MAML3: variants seen among roughly 807,000 people sequenced by gnomAD.
MAML3 encodes the protein mastermind-like protein 3.
MAML3 carries 27 observed loss-of-function variants against 101.9 expected under a neutral mutation model. The ratio of observed to expected loss-of-function variants is 0.27; its 90% CI spans 0.20 to 0.37. The LOEUF (loss-of-function observed/expected upper bound fraction) is 0.37, where lower values mean the gene tolerates loss of function less well. Ranked by LOEUF, MAML3 falls within the 10% of genes least tolerant of loss-of-function variation. The pLI is 1.00. For synonymous variants in MAML3, 501 were observed against 555.9 expected (o/e 0.90, Z 1.39); for missense variants, 1,316 against 1,444.9 (o/e 0.91, Z 1.45).
At chr4:140,148,032 C>T (rs1729095450) in intron 1 of MAML3, among the ~76,000 whole-genome samples, 1 of 152,056 alleles carries the variant, frequency 6.6e-6, no homozygotes, top group African/African-American at 2.4e-5. Flanking sequence ...AGTCTCACAG[C>T]GATATTCAGA....
At chr4:140,075,774 G>A (rs530662443) in intron 1 of MAML3, among the ~76,000 whole-genome samples, 14 of 151,444 alleles carry the variant, frequency 9.2e-5, no homozygotes, top group Non-Finnish European at 1.8e-4. Flanking sequence ...GGGTGGGGGC[G>A]GAGGGGGACA....
intron 2 of MAML3, among the ~76,000 whole-genome samples, chr4:139,749,606 C>T (rs986896026): frequency 6.6e-6 from 1 of 152,188 alleles, no homozygotes; most frequent in Non-Finnish European, 1.5e-5. Context: ...TGTCAGAACA[C>T]GTGAAAGGAC....
In MAML3 at chr4:140,083,965, CACAGAGAG is replaced by C. The variant is rs1397516403; in HGVS notation, c.468+68887_468+68894del. On this transcript the variant is annotated intron_variant, in intron 1 of 4. Coordinates refer to ENST00000509479, the MANE Select transcript of MAML3 (RefSeq NM_018717.5). ...ACACACACACACACACACACACACA[CACAGAGAG>C]AGAGAGAGAGAGAGAGAGAGAGAGA... Among the ~76,000 whole-genome samples, 367 of 63,232 alleles carry C rather than the reference CACAGAGAG, an allele frequency of 5.8e-3. 4 individuals carry two copies. The highest frequency in any genetic ancestry group is 0.022 in the African/African-American group (304 of 13,852). The allele number at this position is 63,232 out of a possible 152,430, so 41.5% of individuals were successfully genotyped here.
At chr4:139,885,970 A>G (rs562384039) in intron 2 of MAML3, among the ~76,000 whole-genome samples, 8 of 149,014 alleles carry the variant, frequency 5.4e-5, no homozygotes, top group Admixed American at 4.0e-4. Flanking sequence ...AAGAGAAAAA[A>G]AGTAAAGGGA....
At chr4:140,030,352 G>A (rs1248780795) in intron 1 of MAML3, among the ~76,000 whole-genome samples, 1 of 152,166 alleles carries the variant, frequency 6.6e-6, no homozygotes, top group African/African-American at 2.4e-5. Flanking sequence ...ACTAGCTTTG[G>A]CAGGGGGCCT....
intron 2 of MAML3, among the ~76,000 whole-genome samples, chr4:139,839,578 A>G (rs983076301): frequency 1.3e-5 from 2 of 151,768 alleles, no homozygotes; most frequent in Non-Finnish European, 2.9e-5. Context: ...TACACCCAGC[A>G]TGTGTTTTCT....
chr4:140,046,098 T>C (rs1026249900), intron 1 of MAML3, among the ~76,000 whole-genome samples: 2 of 152,242 alleles, frequency 1.3e-5, no homozygotes, highest in South Asian at 4.1e-4. Context: ...TTTCTAATTA[T>C]CTTTCAGGCA....
At chr4:140,111,814 CA>C (rs1464767165) in intron 1 of MAML3, among the ~76,000 whole-genome samples, 1 of 152,230 alleles carries the variant, frequency 6.6e-6, no homozygotes, top group Non-Finnish European at 1.5e-5. Context: ...CCTCTTAACC[CA>C]AAGCTTCCAC....
chr4:139,997,173 T>A (rs1366805879), intron 1 of MAML3, among the ~76,000 whole-genome samples: 1 of 150,858 alleles, frequency 6.6e-6, no homozygotes, highest in Non-Finnish European at 1.5e-5. Context: ...ATATACATAA[T>A]TGATACAGTT....
chr4:139,717,534 TC>T lies in MAML3; in HGVS notation c.*1788del, dbSNP rs1728030015. The T allele has an allele frequency of 1.3e-5, 2 of 152,244 alleles. No homozygotes were observed. The highest frequency in any genetic ancestry group is 2.4e-5 in the African/African-American group (1 of 41,432). 9.4% of individuals were successfully genotyped at this position (152,244 alleles called of 1,614,324 possible). A position where few individuals can be genotyped will look rare whatever the true frequency, so the allele number is the denominator to read the frequency against. ...CCCACCAGGCACCTCTGGCCTTACATCCTGCCCCTTCCTGAGCAGCTCTACA... is the reference window on the plus strand; with the variant it reads ...CCCACCAGGCACCTCTGGCCTTACATCTGCCCCTTCCTGAGCAGCTCTACA... On this transcript the variant is annotated 3_prime_UTR_variant, in exon 5 of 5. Coordinates refer to ENST00000509479, the MANE Select transcript of MAML3 (RefSeq NM_018717.5).
intron 1 of MAML3, among the ~76,000 whole-genome samples, chr4:140,123,131 C>T (rs1484137253): frequency 7.1e-6 from 1 of 140,478 alleles, no homozygotes; most frequent in Non-Finnish European, 1.5e-5. Flanking sequence ...TTTAAAGATA[C>T]AGCTACAATC....
chr4:139,808,633 C>T (rs568447556), intron 2 of MAML3, among the ~76,000 whole-genome samples: 2 of 152,300 alleles, frequency 1.3e-5, no homozygotes, highest in Admixed American at 1.3e-4. Context: ...CCTAACAAAG[C>T]CAGTCACTGC....
At chr4:139,892,263 C>A (rs1002006421) in intron 1 of MAML3, among the ~76,000 whole-genome samples, 2 of 152,222 alleles carry the variant, frequency 1.3e-5, no homozygotes, top group Non-Finnish European at 2.9e-5. Context: ...AGCTTATTAT[C>A]CTTTGTTACC....
chr4:139,889,127 T>C (rs1732407480), intron 2 of MAML3: 12 of 819,920 alleles, frequency 1.5e-5, no homozygotes, highest in Middle Eastern at 4.4e-4. Context: ...TAAAAGAAGT[T>C]TGATTCCTAG....
intron 2 of MAML3, among the ~76,000 whole-genome samples, chr4:139,738,552 C>CA (rs1366999244): frequency 2.6e-5 from 4 of 151,230 alleles, no homozygotes; most frequent in East Asian, 3.9e-4. Flanking sequence ...CTCAAACAAA[C>CA]AAAAAAAAGG....
At position 139,863,832 on chromosome 4, in the gene MAML3, G is replaced by GTTTTTTTTTTTTTTTTTT. The variant is rs58270046; in HGVS notation, c.2079+25507_2079+25524dup. Among the ~76,000 whole-genome samples, 11 of 111,292 alleles carry GTTTTTTTTTTTTTTTTTT rather than the reference G, an allele frequency of 9.9e-5. 2 individuals carry two copies. The East Asian group carries it at 1.7e-3, about 18-fold the overall frequency. 73.0% of individuals were successfully genotyped at this position (111,292 alleles called of 152,430 possible). On this transcript the variant is annotated intron_variant, in intron 2 of 4. Transcript: ENST00000509479. ...TTTCTGTGGTAATACCAGAACATGG[G>GTTTTTTTTTTTTTTTTTT]TTTTTTTTTTTTTTTTTTTTTTTTG...
intron 1 of MAML3, among the ~76,000 whole-genome samples, chr4:139,987,654 A>T (rs1381511400): frequency 6.6e-6 from 1 of 151,998 alleles, no homozygotes; most frequent in Non-Finnish European, 1.5e-5. Context: ...CATGAATCAC[A>T]GAGCTGTCAG....
intron 1 of MAML3, among the ~76,000 whole-genome samples, chr4:139,896,607 GGTGTGT>G (rs113274639): frequency 6.9e-6 from 1 of 144,680 alleles, no homozygotes; most frequent in Non-Finnish European, 1.5e-5. Flanking sequence ...CTGTGAAACT[GGTGTGT>G]GTGTGTGTGT....
At chr4:139,808,833 G>A (rs1050740034) in intron 2 of MAML3, among the ~76,000 whole-genome samples, 6 of 152,190 alleles carry the variant, frequency 3.9e-5, no homozygotes, top group Non-Finnish European at 7.3e-5. Context: ...TTACCCCAGT[G>A]TGAGCAACTC....
Sources: gnomAD v4.1 joint callset for allele counts (sites outside exome capture counted in the v4.1 genomes callset) on GRCh38, gnomAD v4.1.1 for gene constraint, MANE v1.5 for transcripts, NCBI Gene and HGNC (gene_info 2026-07-23, HGNC 2026-07-21) for gene names.